The following CCDC90B variants were observed in gnomAD, a reference collection of about 807,000 sequenced individuals.
CCDC90B encodes the protein coiled-coil domain containing 90B.
In CCDC90B, 24 loss-of-function variants were observed where a neutral mutation model predicts 37.0. The observed-to-expected ratio is 0.65, with a 90% CI of 0.47 to 0.91. The LOEUF is 0.91. Ranked by LOEUF, CCDC90B falls within the 40% of genes least tolerant of loss-of-function variation. CCDC90B has a pLI of 0.00. For missense variants in CCDC90B, 319 were observed against 299.0 expected, an observed-to-expected ratio of 1.07 and a Z score of -0.49; for synonymous variants, 113 against 101.1, an observed-to-expected ratio of 1.12 and a Z score of -0.71.
At chr11:83,267,344 T>C (rs530878367) in intron 7 of CCDC90B, 13 of 152,252 alleles carry the variant, frequency 8.5e-5, no homozygotes, top group African/African-American at 2.4e-4. Flanking sequence ...TTTGAACCCA[T>C]TGCAAGGAAG....
rs1384517899 is a variant in CCDC90B, at chr11:83,272,619, C to T, written c.594+1028G>A. Among the ~76,000 whole-genome samples the T allele has an allele frequency of 2.0e-5, 3 of 152,216 alleles. No individual in the cohort carries two copies. The East Asian group carries it at 5.8e-4, about 29-fold the overall frequency. ...CAAAGGGTAGGGAGGACAGATGAGA[C>T]CTAGAGCACAGAAAGTAGTTGTAAA... On this transcript the variant is annotated intron_variant, in intron 7 of 8. Coordinates refer to ENST00000529689, the MANE Select transcript of CCDC90B (RefSeq NM_021825.5).
intron 7 of CCDC90B, among the ~76,000 whole-genome samples, chr11:83,267,929 G>C (rs201278197): frequency 6.6e-6 from 1 of 152,206 alleles, no homozygotes; most frequent in East Asian, 1.9e-4. Flanking sequence ...AACCCTACAA[G>C]CCAGAAGAGA....
chr11:83,274,010 C>T lies in CCDC90B; in HGVS notation c.427-18G>A, dbSNP rs753909762. The T allele has an allele frequency of 1.3e-6, 2 of 1,522,826 alleles. No homozygotes were observed. Among genetic ancestry groups the T allele is most frequent in the Admixed American group, 2.2e-5 (1 of 45,180 alleles). 94.3% of individuals were successfully genotyped at this position (1,522,826 alleles called of 1,614,324 possible). ...TTCATTTTCTAGGTACAGGAAAGATCACATGCAATTAGCATTAAACCAAGT... is the reference window on the plus strand; with the variant it reads ...TTCATTTTCTAGGTACAGGAAAGATTACATGCAATTAGCATTAAACCAAGT... On this transcript the variant is annotated intron_variant, in intron 4 of 8. Transcript: ENST00000529689.
intron 7 of CCDC90B, 105 bp downstream of exon 7, chr11:83,273,542 C>T (rs908064537): frequency 2.5e-5 from 21 of 834,070 alleles, no homozygotes; most frequent in Non-Finnish European, 2.3e-5. Context: ...AGAGACTCTA[C>T]AAGGGTAGTT....
At chr11:83,262,453 G>A (rs533688875) in intron 8 of CCDC90B, among the ~76,000 whole-genome samples, 7 of 152,110 alleles carry the variant, frequency 4.6e-5, no homozygotes, top group African/African-American at 1.4e-4. Context: ...TGAGGTAGAA[G>A]AAAAGGCAGA....
rs550650262 is a variant in CCDC90B, at chr11:83,270,239, C to T, written c.594+3408G>A. On this transcript the variant is annotated intron_variant, in intron 7 of 8. Coordinates refer to ENST00000529689, the MANE Select transcript of CCDC90B (RefSeq NM_021825.5). ...AACTGGAAGCATTCCCTTTGAAAAC[C>T]GGCACAAGACGAGGATGCCCTCTCT... is the stretch of plus-strand genomic sequence containing the variant. Among the ~76,000 whole-genome samples, 347 of 152,228 alleles carry T rather than the reference C, an allele frequency of 2.3e-3. 1 individual carries two copies. The highest frequency in any genetic ancestry group is 0.012 in the South Asian group (57 of 4,826).
At chr11:83,267,222 C>T (rs1385736233) in intron 7 of CCDC90B, 1 of 152,228 alleles carries the variant, frequency 6.6e-6, no homozygotes, top group Non-Finnish European at 1.5e-5. Context: ...AGGATTGCAG[C>T]TCCTTGCCAG....
At chr11:83,284,687 C>T (rs551766711) in intron 1 of CCDC90B, among the ~76,000 whole-genome samples, 24 of 152,302 alleles carry the variant, frequency 1.6e-4, no homozygotes, top group African/African-American at 5.5e-4. Context: ...AAGGTTTCTC[C>T]AAGAACACTC....
intron 7 of CCDC90B, chr11:83,266,869 C>T (rs1864311156): frequency 6.6e-6 from 1 of 152,372 alleles, no homozygotes; most frequent in Non-Finnish European, 1.5e-5. Flanking sequence ...ACACACACCT[C>T]ATATAGGCGG....
chr11:83,270,990 C>A (rs190766692), intron 7 of CCDC90B, among the ~76,000 whole-genome samples: 2,567 of 152,278 alleles, frequency 0.017, 75 homozygotes, highest in African/African-American at 0.058. Context: ...ACCATCTGAT[C>A]TTTGACAAAC....
chr11:83,278,229 T>A (rs1185073868), intron 3 of CCDC90B, among the ~76,000 whole-genome samples: 1 of 152,214 alleles, frequency 6.6e-6, no homozygotes, highest in Non-Finnish European at 1.5e-5. Context: ...CACTTACATG[T>A]TAAATTCTTA....
rs1442377410 is a variant in CCDC90B at position 83,273,838 on chromosome 11, A to G, written c.495T>C (p.Asp165=). ...LMHETSRIRA[D]NKLDINLERS... ...TTTCTAAGTTGATATCCAGTTTATTATCTGCTCTGATTCGACTGGTTTCAT... is the reference window on the plus strand; with the variant it reads ...TTTCTAAGTTGATATCCAGTTTATTGTCTGCTCTGATTCGACTGGTTTCAT... Residue 165 remains aspartate (D), a synonymous_variant, in exon 6 of 9, where the codon GAT becomes GAC. Coordinates refer to ENST00000529689, the MANE Select transcript of CCDC90B (RefSeq NM_021825.5). 1 of 1,610,238 alleles carries G rather than the reference A, an allele frequency of 6.2e-7. No individual in the cohort carries two copies. The highest frequency in any genetic ancestry group is 8.5e-7 in the Non-Finnish European group (1 of 1,177,910).
intron 1 of CCDC90B, among the ~76,000 whole-genome samples, chr11:83,281,095 G>A (rs1034438361): frequency 6.6e-6 from 1 of 152,178 alleles, no homozygotes. Flanking sequence ...GGAAGGTGAA[G>A]GAGTTACCTT....
Position 83,286,118 on chromosome 11 carries a change from C to A in CCDC90B, c.-146G>T. 6.5e-7 allele frequency: 1 copy of A among 1,536,442 alleles called. No individual in the cohort carries two copies. The highest frequency in any genetic ancestry group is 1.2e-5 in the South Asian group (1 of 84,064). On this transcript the variant is annotated 5_prime_UTR_variant, in exon 1 of 9. Coordinates refer to ENST00000529689, the MANE Select transcript of CCDC90B (RefSeq NM_021825.5). Reference sequence around the variant, plus strand: ...AGCTCACCTCCCAGCGCAGGCGCCACCGTGGTCCCACGAAACTGGGTCTCT... The same window carrying A: ...AGCTCACCTCCCAGCGCAGGCGCCAACGTGGTCCCACGAAACTGGGTCTCT...
At chr11:83,274,064 C>A (rs1864869095) in intron 4 of CCDC90B, 72 bp from the exon 5 acceptor site, 2 of 1,195,106 alleles carry the variant, frequency 1.7e-6, no homozygotes, top group African/African-American at 1.6e-5. Flanking sequence ...AATCTGAAAC[C>A]CTAGATTACC....
At chr11:83,277,436 CTAAT>C (rs1051317104) in intron 3 of CCDC90B, among the ~76,000 whole-genome samples, 4 of 152,058 alleles carry the variant, frequency 2.6e-5, no homozygotes, top group African/African-American at 9.7e-5. Context: ...TTTTAAATGT[CTAAT>C]TAATTGGACA....
chr11:83,264,072 A>G (rs1313768413), intron 8 of CCDC90B, among the ~76,000 whole-genome samples: 1 of 152,234 alleles, frequency 6.6e-6, no homozygotes, highest in African/African-American at 2.4e-5. Flanking sequence ...ATATAGAAAT[A>G]CTAGCACAGG....
intron 1 of CCDC90B, chr11:83,285,326 G>GTGTCCTGAA: frequency 8.4e-7 from 1 of 1,193,778 alleles, no homozygotes; most frequent in Admixed American, 4.0e-5. Flanking sequence ...TGTTAACAGG[G>GTGTCCTGAA]GTGCCAACAG....
chr11:83,260,496 A>C lies in CCDC90B; in HGVS notation c.*1415T>G, dbSNP rs1052955955. 6.6e-6 allele frequency: 1 copy of C among 152,246 alleles called. No individual in the cohort carries two copies. The highest frequency in any genetic ancestry group is 1.5e-5 in the Non-Finnish European group (1 of 68,042). 9.4% of individuals were successfully genotyped at this position (152,246 alleles called of 1,614,324 possible). On this transcript the variant is annotated 3_prime_UTR_variant, in exon 9 of 9. Transcript: ENST00000529689. Reference sequence around the variant, plus strand: ...GGATAATGTCAAGGTTTTTCTTTTGAAAACAAACCAGCAGTTAGATTTTTG... The same window carrying C: ...GGATAATGTCAAGGTTTTTCTTTTGCAAACAAACCAGCAGTTAGATTTTTG...
Sources: allele counts gnomAD v4.1 joint callset (sites outside exome capture counted in the v4.1 genomes callset), GRCh38; gene constraint gnomAD v4.1.1; transcripts MANE v1.5; gene names NCBI Gene and HGNC (gene_info 2026-07-23, HGNC 2026-07-21).